The following UTRN variants were observed in gnomAD, a reference collection of about 807,000 sequenced individuals.
UTRN encodes the protein utrophin, also known as dystrophin-related protein 1.
UTRN carries 283 observed loss-of-function variants against 463.9 expected under a neutral mutation model. The ratio of observed to expected loss-of-function variants is 0.61; its 90% confidence interval spans 0.55 to 0.67. The LOEUF (loss-of-function observed/expected upper bound fraction) is 0.67. UTRN is among the 30% of genes least tolerant of loss of function. The pLI, the probability that UTRN is intolerant of heterozygous loss-of-function variation, is 0.00. For synonymous variants in UTRN, 1,442 were observed against 1,431.5 expected (o/e 1.01, Z -0.17); for missense variants, 3,922 against 4,084.3 (o/e 0.96, Z 1.08).
At chr6:144,599,628 G>A (rs191104864) in intron 51 of UTRN, among the ~76,000 whole-genome samples, 8 of 152,188 alleles carry the variant, frequency 5.3e-5, no homozygotes, top group South Asian at 4.2e-4. Context: ...CTTTAAAATA[G>A]CATTTACACT....
chr6:144,848,893 T>G (rs1012041918), intron 74 of UTRN, among the ~76,000 whole-genome samples: 3 of 151,956 alleles, frequency 2.0e-5, no homozygotes, highest in African/African-American at 7.3e-5. Flanking sequence ...AGTCATATAG[T>G]CTGATGATAT....
At chr6:144,783,206 AAAG>A (rs1162454764) in intron 61 of UTRN, among the ~76,000 whole-genome samples, 3 of 152,184 alleles carry the variant, frequency 2.0e-5, no homozygotes, top group Admixed American at 6.5e-5. Flanking sequence ...AAAAAAAAAA[AAAG>A]AAAAGAAAAC....
At chr6:144,848,899 G>T (rs1002899701) in intron 74 of UTRN, among the ~76,000 whole-genome samples, 6 of 152,082 alleles carry the variant, frequency 3.9e-5, no homozygotes, top group Non-Finnish European at 7.4e-5. Flanking sequence ...ATAGTCTGAT[G>T]ATATGAGATT....
chr6:144,645,728 T>C (rs1304881264), intron 51 of UTRN, among the ~76,000 whole-genome samples: 1 of 152,134 alleles, frequency 6.6e-6, no homozygotes, highest in Non-Finnish European at 1.5e-5. Context: ...GAACAAATTT[T>C]AAAAGTGGCA....
intron 2 of UTRN, among the ~76,000 whole-genome samples, chr6:144,402,491 C>T (rs1370131022): frequency 6.6e-6 from 1 of 152,010 alleles, no homozygotes; most frequent in East Asian, 1.9e-4. Context: ...TTTTATGGCT[C>T]AGAAAATGAA....
At chr6:144,682,752 A>C (rs577020688) in intron 52 of UTRN, among the ~76,000 whole-genome samples, 95 of 152,360 alleles carry the variant, frequency 6.2e-4, no homozygotes, top group African/African-American at 2.2e-3. Flanking sequence ...AATGAATAAG[A>C]TAAAATTAAA....
intron 51 of UTRN, among the ~76,000 whole-genome samples, chr6:144,625,558 A>C (rs1033142568): frequency 6.6e-6 from 1 of 152,238 alleles, no homozygotes; most frequent in Non-Finnish European, 1.5e-5. Flanking sequence ...ATTAGAATTC[A>C]TTTAGATTTT....
Position 144,557,193 on chromosome 6 carries a change from G to C in UTRN, c.7171G>C (p.Val2391Leu), listed in dbSNP as rs773392390. ...AGAACTGGGTCCTGGAGATGGTATCGTCATGGCGTTCGATAACGTCCTGCA... is the reference window on the plus strand; with the variant it reads ...AGAACTGGGTCCTGGAGATGGTATCCTCATGGCGTTCGATAACGTCCTGCA... ...LQELGPGDGIVMAFDNVLQKL... is the reference protein window; with the variant it reads ...LQELGPGDGILMAFDNVLQKL... Residue 2391 changes from valine (V) to leucine (L), a missense_variant, in exon 50 of 75, where the codon GTC (valine) becomes CTC (leucine). By Grantham distance (32) the Val-to-Leu change is conservative (BLOSUM62 1). Transcript: ENST00000367545. 6.2e-7 allele frequency: 1 copy of C among 1,613,964 alleles called. No individual in the cohort carries two copies. The highest frequency in any genetic ancestry group is 2.2e-5 in the East Asian group (1 of 44,852).
chr6:144,386,624 G>A (rs1234997312), intron 2 of UTRN, among the ~76,000 whole-genome samples: 3 of 151,928 alleles, frequency 2.0e-5, no homozygotes, highest in Non-Finnish European at 4.4e-5. Context: ...TGATTTATGG[G>A]CCAATTTTTA....
intron 24 of UTRN, 72 bp from the exon 25 acceptor site, chr6:144,474,532 A>T: frequency 6.9e-7 from 1 of 1,447,772 alleles, no homozygotes; most frequent in Non-Finnish European, 9.3e-7. Flanking sequence ...GCAGGGAGAT[A>T]AGCAGACAAA....
chr6:144,757,995 T>A lies in UTRN; in HGVS notation c.8495+6T>A. On this transcript the variant is annotated splice_donor_region_variant and intron_variant, in intron 58 of 74. Coordinates refer to ENST00000367545, the MANE Select transcript of UTRN (RefSeq NM_007124.3). ...AAAGTGCCCTATTACATCAAGTAAG[T>A]TGATTTTAATTCTCCTTTATGATAC... is the stretch of plus-strand genomic sequence containing the variant. The A allele has an allele frequency of 6.2e-7, 1 of 1,606,778 alleles. No homozygotes were observed. Among genetic ancestry groups the A allele is most frequent in the South Asian group, 1.1e-5 (1 of 90,146 alleles).
intron 2 of UTRN, among the ~76,000 whole-genome samples, chr6:144,354,244 TG>T (rs1470813076): frequency 6.6e-6 from 1 of 152,168 alleles, no homozygotes; most frequent in Non-Finnish European, 1.5e-5. Context: ...GTTGACAGGC[TG>T]ATTGCAGAGG....
intron 2 of UTRN, among the ~76,000 whole-genome samples, chr6:144,331,318 C>T (rs1238660391): frequency 6.6e-6 from 1 of 152,174 alleles, no homozygotes; most frequent in Non-Finnish European, 1.5e-5. Context: ...CCACTGTCAG[C>T]CTCAGAGCCT....
At position 144,474,661 on chromosome 6, in the gene UTRN, G is replaced by A. The variant is rs186132636; in HGVS notation, c.3238G>A (p.Glu1080Lys). ...ATCTCTGAAAAACATGAAGGAAATA[G>A]AGACTAATCTTCGAAGTGGTCCAGT... is the stretch of plus-strand genomic sequence containing the variant. ...ESSLKNMKEI[E>K]TNLRSGPVAG... Residue 1080 changes from glutamate (E) to lysine (K), a missense_variant, in exon 25 of 75, where the codon GAG (glutamate) becomes AAG (lysine). Transcript: ENST00000367545. 2 of 1,613,902 alleles carry A rather than the reference G, an allele frequency of 1.2e-6. No individual in the cohort carries two copies. Among genetic ancestry groups the A allele is most frequent in the Admixed American group, 1.7e-5 (1 of 59,984 alleles).
chr6:144,393,179 T>A (rs1782095789), intron 2 of UTRN, among the ~76,000 whole-genome samples: 1 of 152,246 alleles, frequency 6.6e-6, no homozygotes. Context: ...ATAAATCTGC[T>A]TTGGCTGATT....
intron 65 of UTRN, among the ~76,000 whole-genome samples, chr6:144,804,574 A>G (rs1777979068): frequency 6.6e-6 from 1 of 152,136 alleles, no homozygotes; most frequent in Non-Finnish European, 1.5e-5. Flanking sequence ...GGGGAAACAA[A>G]AGAGGGACTT....
At chr6:144,693,919 C>T (rs1783698470) in intron 52 of UTRN, among the ~76,000 whole-genome samples, 1 of 152,120 alleles carries the variant, frequency 6.6e-6, no homozygotes, top group African/African-American at 2.4e-5. Flanking sequence ...GGCAGGACTT[C>T]CAATATTGTG....
chr6:144,787,482 T>C (rs529545809), intron 61 of UTRN, among the ~76,000 whole-genome samples: 1 of 152,310 alleles, frequency 6.6e-6, no homozygotes, highest in South Asian at 2.1e-4. Context: ...TTATTAGATA[T>C]GATTTAATAT....
chr6:144,613,461 T>G (rs1805736171), intron 51 of UTRN, among the ~76,000 whole-genome samples: 1 of 152,144 alleles, frequency 6.6e-6, no homozygotes, highest in African/African-American at 2.4e-5. Context: ...TGTATCCATG[T>G]ATCACATTGT....
Sources: allele counts gnomAD v4.1 joint callset (sites outside exome capture counted in the v4.1 genomes callset), GRCh38; gene constraint gnomAD v4.1.1; transcripts MANE v1.5; gene names NCBI Gene and HGNC (gene_info 2026-07-23, HGNC 2026-07-21).